The following RGS16 variants were observed in gnomAD, a reference collection of about 807,000 sequenced individuals.
The protein encoded by RGS16 is hRGS-r.
RGS16 carries 12 observed loss-of-function variants against 18.1 expected under a neutral mutation model. That is an observed-to-expected ratio of 0.66 (90% CI 0.42 to 1.07). The LOEUF (loss-of-function observed/expected upper bound fraction) is 1.07, where lower values mean the gene tolerates loss of function less well. Among genes scored for constraint, RGS16 ranks in the 50% least tolerant of loss-of-function variants. The pLI, the probability that RGS16 is intolerant of heterozygous loss-of-function variation, is 0.00. For synonymous variants in RGS16, 88 were observed against 102.0 expected, an observed-to-expected ratio of 0.86 and a Z score of 0.83; for missense variants, 238 against 249.2, an observed-to-expected ratio of 0.95 and a Z score of 0.30.
In RGS16 at chr1:182,600,586, G is replaced by T. The variant is rs1661847697; in HGVS notation, c.388-73C>A. Reference sequence around the variant, plus strand: ...CATGGCTGAGGGAGGGCCAACGGCAGGCTGGGCATTGGAAAGAGCATCGGA... The same window carrying T: ...CATGGCTGAGGGAGGGCCAACGGCATGCTGGGCATTGGAAAGAGCATCGGA... On this transcript the variant is annotated intron_variant, in intron 4 of 4. Transcript: ENST00000367558. 2.4e-6 allele frequency: 3 copies of T among 1,258,632 alleles called. No homozygotes were observed. The South Asian group carries it at 3.6e-5, about 15-fold the overall frequency. 78.0% of individuals were successfully genotyped at this position (1,258,632 alleles called of 1,614,324 possible). A position where few individuals can be genotyped will look rare whatever the true frequency, so the allele number is the denominator to read the frequency against.
chr1:182,601,528 A>G (rs554176092), intron 4 of RGS16, among the ~76,000 whole-genome samples: 4 of 152,360 alleles, frequency 2.6e-5, no homozygotes, highest in African/African-American at 9.6e-5. Flanking sequence ...TGTGTTCTTT[A>G]GCAAATGCAG....
chr1:182,600,473 T>C lies in RGS16; in HGVS notation c.428A>G (p.Asn143Ser). The change falls in exon 5 of 5, where the codon AAC becomes AGC. Residue 143 changes from asparagine to serine, a missense_variant. Coordinates refer to ENST00000367558, the MANE Select transcript of RGS16 (RefSeq NM_002928.4). ...GCATGTGGCTGTGGCAGTCTGCAGG[T>C]TCATCCTCGTCAGCTCGTGGGTCTC... ...DHETHELTRM[N>S]LQTATATCFD... 1.2e-6 allele frequency: 2 copies of C among 1,614,080 alleles called. No homozygotes were observed. The highest frequency in any genetic ancestry group is 1.7e-6 in the Non-Finnish European group (2 of 1,179,992).
At chr1:182,600,544 T>G (rs930692752) in intron 4 of RGS16, 31 bp from the exon 5 acceptor site, 9 of 1,600,034 alleles carry the variant, frequency 5.6e-6, no homozygotes, top group Non-Finnish European at 7.7e-6. Flanking sequence ...ACAGGGTGAG[T>G]TGGGGAAGAG....
rs777844671 is a variant in RGS16 at position 182,604,260 on chromosome 1, G to A, written c.-1C>T. The A allele has an allele frequency of 5.8e-6, 9 of 1,550,582 alleles. No homozygotes were observed. Among genetic ancestry groups the A allele is most frequent in the Non-Finnish European group, 7.8e-6 (9 of 1,146,714 alleles). Reference sequence around the variant, plus strand: ...GGAAGGCGGCCAGGGTGCGGCACATGGCTGCGGGCGCAGGGCAGCACGTAG... The same window carrying A: ...GGAAGGCGGCCAGGGTGCGGCACATAGCTGCGGGCGCAGGGCAGCACGTAG... On this transcript the variant is annotated 5_prime_UTR_variant, in exon 1 of 5. Transcript: ENST00000367558.
rs774794868 is a variant in RGS16 at position 182,602,408 on chromosome 1, G to GCTC, written c.220+9_220+11dup. 5 of 1,612,034 alleles carry GCTC rather than the reference G, an allele frequency of 3.1e-6. No individual in the cohort carries two copies. The highest frequency in any genetic ancestry group is 3.4e-6 in the Non-Finnish European group (4 of 1,178,664). On this transcript the variant is annotated intron_variant, in intron 3 of 4. Coordinates refer to ENST00000367558, the MANE Select transcript of RGS16 (RefSeq NM_002928.4). Reference sequence around the variant, plus strand: ...TGCCACCCAGAGACAGACACAAAAGGCTCCTACTCACTTTTACTGCTCAGC... The same window carrying GCTC: ...TGCCACCCAGAGACAGACACAAAAGGCTCCTCCTACTCACTTTTACTGCTCAGC...
At chr1:182,603,102 A>G (rs1661893649) in intron 2 of RGS16, 127 bp downstream of exon 2, 1 of 727,626 alleles carries the variant, frequency 1.4e-6, no homozygotes. Flanking sequence ...AAGTCCCACT[A>G]AAATCTCTAG....
chr1:182,600,298 G>A lies in RGS16; in HGVS notation c.603C>T (p.His201=). Residue 201 remains histidine, a synonymous_variant, in exon 5 of 5, where the codon CAC becomes CAT. Transcript: ENST00000367558. ...TCCTCACTGCCGTGGAGACTCAGGT[G>A]TGTGAGGGCTCGTCCAGGCTGCAGC... The part of the protein sequence containing the change: ...LSSCSLDEPS[H]T 2.5e-6 allele frequency: 4 copies of A among 1,613,342 alleles called. No individual in the cohort carries two copies. Among genetic ancestry groups the A allele is most frequent in the Non-Finnish European group, 3.4e-6 (4 of 1,179,882 alleles).
At position 182,598,663 on chromosome 1, in the gene RGS16, T is replaced by G. The variant is rs1248571162; in HGVS notation, c.*1629A>C. On this transcript the variant is annotated 3_prime_UTR_variant, in exon 5 of 5. Coordinates refer to ENST00000367558, the MANE Select transcript of RGS16 (RefSeq NM_002928.4). Reference sequence around the variant, plus strand: ...GCTTTTATTTTATAAGAATATAACATGCTGAAACAGGAAAATGGGGATTGC... The same window carrying G: ...GCTTTTATTTTATAAGAATATAACAGGCTGAAACAGGAAAATGGGGATTGC... 6.6e-6 allele frequency: 1 copy of G among 152,664 alleles called. No homozygotes were observed. The highest frequency in any genetic ancestry group is 2.4e-5 in the African/African-American group (1 of 41,464). 9.5% of individuals were successfully genotyped at this position (152,664 alleles called of 1,614,324 possible). A position where few individuals can be genotyped will look rare whatever the true frequency, so the allele number is the denominator to read the frequency against.
chr1:182,600,548 G>A, intron 4 of RGS16, 35 bp from the exon 5 acceptor site: 1 of 1,591,404 alleles, frequency 6.3e-7, no homozygotes, highest in Non-Finnish European at 8.6e-7. Context: ...GGTGAGTTGG[G>A]GAAGAGGGTG....
intron 2 of RGS16, 24 bp from the exon 3 acceptor site, chr1:182,602,508 A>AG: frequency 6.3e-7 from 1 of 1,596,480 alleles, no homozygotes; most frequent in Non-Finnish European, 8.6e-7. Context: ...AGAAAAAAAA[A>AG]GAGTAAGAAA....
Position 182,600,007 on chromosome 1 carries a change from A to G in RGS16, c.*285T>C. 1.0e-5 allele frequency: 5 copies of G among 490,412 alleles called. No homozygotes were observed. The highest frequency in any genetic ancestry group is 1.5e-5 in the Non-Finnish European group (4 of 272,078). 30.4% of individuals were successfully genotyped at this position (490,412 alleles called of 1,614,324 possible). A position where few individuals can be genotyped will look rare whatever the true frequency, so the allele number is the denominator to read the frequency against. On this transcript the variant is annotated 3_prime_UTR_variant, in exon 5 of 5. Transcript: ENST00000367558. ...AGAACGAGAGCCAGTGCTAACCCCC[A>G]TACCACCTTTTTGCCCCACAGAGAG...
In RGS16 at chr1:182,602,029, G is replaced by T. The variant is rs1661873025; in HGVS notation, c.324C>A (p.Thr108=). The T allele has an allele frequency of 6.2e-7, 1 of 1,613,996 alleles. No individual in the cohort carries two copies. The highest frequency in any genetic ancestry group is 1.3e-5 in the African/African-American group (1 of 74,888). Residue 108 remains threonine, a synonymous_variant, in exon 4 of 5, where the codon ACC becomes ACA. Coordinates refer to ENST00000367558, the MANE Select transcript of RGS16 (RefSeq NM_002928.4). ...TCTGGTGTGCCCTGGAGGCCAGCTT[G>T]GTAGCTGATCGGATCTTCTTGAACT... ...CEEFKKIRSA[T]KLASRAHQIF... is the part of the protein sequence containing the mutation.
At chr1:182,602,304 A>G (rs1278519546) in intron 3 of RGS16, 116 bp downstream of exon 3, 1 of 1,072,098 alleles carries the variant, frequency 9.3e-7, no homozygotes, top group Non-Finnish European at 1.4e-6. Flanking sequence ...GATCATTATT[A>G]TTATTATTAC....
rs766228026 is a variant in RGS16 at position 182,600,396 on chromosome 1, GGTA to G, written c.502_504del (p.Tyr168del). 5 of 1,613,848 alleles carry G rather than the reference GGTA, an allele frequency of 3.1e-6. No individual in the cohort carries two copies. The African/African-American group carries it at 6.7e-5, about 22-fold the overall frequency. ...TAAGCAGGCGACTTCAGGAAGCGTG[GGTA>G]GGAGTCCTTCTCCATCAGGGTACGT... is the stretch of plus-strand genomic sequence containing the variant. On this transcript the variant is annotated inframe_deletion, in exon 5 of 5. Coordinates refer to ENST00000367558, the MANE Select transcript of RGS16 (RefSeq NM_002928.4).
At chr1:182,602,608 T>C (rs1193482728) in intron 2 of RGS16, 124 bp from the exon 3 acceptor site, 7 of 802,298 alleles carry the variant, frequency 8.7e-6, no homozygotes, top group African/African-American at 1.7e-5. Flanking sequence ...TGCTTGGTGA[T>C]TGCTGAAGCT....
chr1:182,599,611 C>G lies in RGS16; in HGVS notation c.*681G>C, dbSNP rs541305674. 1 of 152,922 alleles carries G rather than the reference C, an allele frequency of 6.5e-6. No homozygotes were observed. Among genetic ancestry groups the G allele is most frequent in the Non-Finnish European group, 1.5e-5 (1 of 68,210 alleles). 9.5% of individuals were successfully genotyped at this position (152,922 alleles called of 1,614,324 possible). ...CAAGTGAGCCTCCTTTCAGGGCTCTCCACTGACTTGGAAAGGGCTCACAGG... is the reference window on the plus strand; with the variant it reads ...CAAGTGAGCCTCCTTTCAGGGCTCTGCACTGACTTGGAAAGGGCTCACAGG... On this transcript the variant is annotated 3_prime_UTR_variant, in exon 5 of 5. Transcript: ENST00000367558.
At chr1:182,600,898 C>T (rs1661853443) in intron 4 of RGS16, among the ~76,000 whole-genome samples, 1 of 152,216 alleles carries the variant, frequency 6.6e-6, no homozygotes, top group Admixed American at 6.5e-5. Flanking sequence ...TACAGTGAGC[C>T]TTTAAAAACC....
Position 182,604,345 on chromosome 1 carries a change from T to C in RGS16, c.-86A>G, listed in dbSNP as rs1661918788. 1 of 1,355,546 alleles carries C rather than the reference T, an allele frequency of 7.4e-7. No individual in the cohort carries two copies. 84.0% of individuals were successfully genotyped at this position (1,355,546 alleles called of 1,614,324 possible). ...CGTGCGCCAGGAAGCAAAGGCGCGG[T>C]AGCAGGTGCTAGTCAACTGCGGTTG... On this transcript the variant is annotated 5_prime_UTR_variant, in exon 1 of 5. Coordinates refer to ENST00000367558, the MANE Select transcript of RGS16 (RefSeq NM_002928.4).
rs547402421 is a variant in RGS16, at chr1:182,598,636, T to C, written c.*1656A>G. On this transcript the variant is annotated 3_prime_UTR_variant, in exon 5 of 5. Transcript: ENST00000367558. ...GAAGACAGGATGTCATATTTGACTT[T>C]TGCTTTTATTTTATAAGAATATAAC... 1.3e-5 allele frequency: 2 copies of C among 152,772 alleles called. No individual in the cohort carries two copies. The highest frequency in any genetic ancestry group is 4.8e-5 in the African/African-American group (2 of 41,576). The allele number at this position is 152,772 out of a possible 1,614,324, so 9.5% of individuals were successfully genotyped here.
Sources: allele counts gnomAD v4.1 joint callset (sites outside exome capture counted in the v4.1 genomes callset), GRCh38; gene constraint gnomAD v4.1.1; transcripts MANE v1.5; gene names NCBI Gene and HGNC (gene_info 2026-07-23, HGNC 2026-07-21).